The following RBFOX1 variants were observed in gnomAD, a reference collection of about 807,000 sequenced individuals.
RBFOX1 encodes RNA binding fox-1 homolog 1, also known as RNA binding protein fox-1 homolog 1.
Under a neutral mutation model 57.7 loss-of-function variants are expected in RBFOX1, and 8 were observed. The observed-to-expected ratio is 0.14, with a 90% confidence interval of 0.08 to 0.25. The LOEUF is 0.25. Among genes scored for constraint, RBFOX1 ranks in the 10% least tolerant of loss-of-function variants. The pLI, the probability that RBFOX1 is intolerant of heterozygous loss-of-function variation, is 1.00. For missense variants in RBFOX1, 611 were observed against 548.5 expected (o/e 1.11, Z -1.14); for synonymous variants, 326 against 222.4 (o/e 1.47, Z -4.15).
At chr16:5,509,689 C>T (rs964661296) in intron 2 of RBFOX1, among the ~76,000 whole-genome samples, 9 of 152,154 alleles carry the variant, frequency 5.9e-5, no homozygotes, top group Non-Finnish European at 1.3e-4. Flanking sequence ...GAGCGGGTGC[C>T]AGGAGAGCTG....
chr16:5,491,100 C>T (rs1250285981), intron 2 of RBFOX1, among the ~76,000 whole-genome samples: 2 of 152,066 alleles, frequency 1.3e-5, no homozygotes, highest in Admixed American at 6.6e-5. Flanking sequence ...TATAATCTTA[C>T]GGGACCACCG....
At chr16:7,496,853 T>C (rs12448059) in intron 4 of RBFOX1, among the ~76,000 whole-genome samples, 1 of 151,826 alleles carries the variant, frequency 6.6e-6, no homozygotes, top group Non-Finnish European at 1.5e-5. Context: ...GTTTAAAAAT[T>C]AATTATTTTG....
chr16:6,560,688 C>G (rs1016462531), intron 2 of RBFOX1, among the ~76,000 whole-genome samples: 2 of 152,150 alleles, frequency 1.3e-5, no homozygotes, highest in African/African-American at 4.8e-5. Flanking sequence ...ATAATTTGAA[C>G]TTCTGCATTG....
At chr16:7,300,790 C>T (rs1489322109) in intron 4 of RBFOX1, among the ~76,000 whole-genome samples, 1 of 152,146 alleles carries the variant, frequency 6.6e-6, no homozygotes, top group African/African-American at 2.4e-5. Flanking sequence ...TGGGTAGTTG[C>T]CTTCTGCCTA....
chr16:7,711,763 G>T lies in RBFOX1; in HGVS notation c.*1018G>T, dbSNP rs566422893. ...AGTAGAACAACTGTTAGAGACAGACGTATAATTTTTATGGAATTACATGAT... is the reference window on the plus strand; with the variant it reads ...AGTAGAACAACTGTTAGAGACAGACTTATAATTTTTATGGAATTACATGAT... On this transcript the variant is annotated 3_prime_UTR_variant, in exon 16 of 16. Coordinates refer to ENST00000550418, the MANE Select transcript of RBFOX1 (RefSeq NM_018723.4). 5.2e-5 allele frequency: 8 copies of T among 152,586 alleles called. No homozygotes were observed. Among genetic ancestry groups the T allele is most frequent in the African/African-American group, 1.9e-4 (8 of 41,452 alleles). The allele number at this position is 152,586 out of a possible 1,614,324, so 9.5% of individuals were successfully genotyped here. A position where few individuals can be genotyped will look rare whatever the true frequency, so the allele number is the denominator to read the frequency against.
At chr16:6,033,148 T>C (rs1446648249) in intron 1 of RBFOX1, among the ~76,000 whole-genome samples, 1 of 152,142 alleles carries the variant, frequency 6.6e-6, no homozygotes, top group Non-Finnish European at 1.5e-5. Context: ...TCCGCAGACA[T>C]TGTTTGGATC....
chr16:5,674,726 A>C (rs986509184), intron 3 of RBFOX1, among the ~76,000 whole-genome samples: 1 of 152,180 alleles, frequency 6.6e-6, no homozygotes, highest in Non-Finnish European at 1.5e-5. Flanking sequence ...TTCAAGTTCT[A>C]TTTGGTGATT....
At chr16:5,570,495 CA>C (rs1484491504) in intron 2 of RBFOX1, among the ~76,000 whole-genome samples, 21 of 152,148 alleles carry the variant, frequency 1.4e-4, no homozygotes, top group Non-Finnish European at 5.9e-5. Context: ...GGGTGCTTAA[CA>C]GCTGGTCAGG....
At chr16:7,181,726 G>T (rs117692544) in intron 4 of RBFOX1, among the ~76,000 whole-genome samples, 1 of 152,056 alleles carries the variant, frequency 6.6e-6, no homozygotes, top group East Asian at 1.9e-4. Context: ...TGCCTGGCTA[G>T]GTTTTTGTAT....
intron 4 of RBFOX1, among the ~76,000 whole-genome samples, chr16:7,198,276 A>G (rs879266713): frequency 6.6e-6 from 1 of 152,094 alleles, no homozygotes; most frequent in Non-Finnish European, 1.5e-5. Flanking sequence ...AAGTCCTGGG[A>G]TTACAGGCGT....
chr16:5,832,743 T>C (rs2056323546), intron 3 of RBFOX1, among the ~76,000 whole-genome samples: 1 of 152,204 alleles, frequency 6.6e-6, no homozygotes, highest in African/African-American at 2.4e-5. Context: ...TTTAAAAAGC[T>C]GAGTCTGAGT....
chr16:5,658,889 A>C (rs949254931), intron 3 of RBFOX1, among the ~76,000 whole-genome samples: 4 of 148,238 alleles, frequency 2.7e-5, no homozygotes, highest in African/African-American at 5.0e-5. Flanking sequence ...ATATATATAT[A>C]TCTCACATAG....
intron 4 of RBFOX1, among the ~76,000 whole-genome samples, chr16:7,173,888 G>A (rs2081184521): frequency 6.6e-6 from 1 of 152,166 alleles, no homozygotes; most frequent in South Asian, 2.1e-4. Context: ...TATGCTCAGT[G>A]GTTTCTCTGA....
intron 1 of RBFOX1, among the ~76,000 whole-genome samples, chr16:5,421,559 G>T (rs568860951): frequency 6.6e-6 from 1 of 152,082 alleles, no homozygotes; most frequent in Non-Finnish European, 1.5e-5. Flanking sequence ...AGCCCTGCAG[G>T]GGGACTCGAG....
chr16:6,039,544 A>C (rs2095413561), intron 1 of RBFOX1, among the ~76,000 whole-genome samples: 1 of 152,218 alleles, frequency 6.6e-6, no homozygotes, highest in Middle Eastern at 3.4e-3. Flanking sequence ...ATTTAAAGCA[A>C]AACCTTTCAT....
chr16:5,734,308 A>AT (rs371376337), intron 3 of RBFOX1, among the ~76,000 whole-genome samples: 16 of 152,100 alleles, frequency 1.1e-4, no homozygotes, highest in East Asian at 1.9e-4. Flanking sequence ...CAAAATAGGA[A>AT]TTTTTTCTAC....
chr16:6,614,843 A>G (rs1300372468), intron 2 of RBFOX1, among the ~76,000 whole-genome samples: 2 of 152,138 alleles, frequency 1.3e-5, no homozygotes, highest in African/African-American at 4.8e-5. Flanking sequence ...ACCTCATCTT[A>G]ACTAATCACT....
intron 2 of RBFOX1, among the ~76,000 whole-genome samples, chr16:6,325,075 C>T (rs915989730): frequency 4.6e-5 from 7 of 152,076 alleles, no homozygotes; most frequent in African/African-American, 1.4e-4. Flanking sequence ...AGGAAAGGTA[C>T]CCAGGCATGG....
intron 3 of RBFOX1, among the ~76,000 whole-genome samples, chr16:5,808,177 G>A (rs1447237220): frequency 6.6e-6 from 1 of 152,198 alleles, no homozygotes; most frequent in Admixed American, 6.5e-5. Context: ...CCGTTAGGAT[G>A]GGCCTTAATG....
Sources: gnomAD v4.1 joint callset for allele counts (sites outside exome capture counted in the v4.1 genomes callset) on GRCh38, gnomAD v4.1.1 for gene constraint, MANE v1.5 for transcripts, NCBI Gene and HGNC (gene_info 2026-07-23, HGNC 2026-07-21) for gene names.